Variants in GLYATL2 observed in about 807,000 individuals in gnomAD.
The protein encoded by GLYATL2 is glycine N-acyltransferase-like protein 2.
Under a neutral mutation model 21.4 loss-of-function variants are expected in GLYATL2, and 25 were observed. The observed-to-expected ratio is 1.17, with a 90% confidence interval of 0.85 to 1.63. GLYATL2 has a LOEUF of 1.63. GLYATL2 is among the 40% of genes most tolerant of loss of function. GLYATL2 has a pLI of 0.00. For synonymous variants in GLYATL2, 114 were observed against 118.2 expected (o/e 0.96, Z 0.23); for missense variants, 361 against 343.3 (o/e 1.05, Z -0.41).
the GLYATL2 span, among the ~76,000 whole-genome samples, chr11:58,909,237 G>A: frequency 6.6e-6 from 1 of 152,132 alleles, no homozygotes; most frequent in Non-Finnish European, 1.5e-5. Context: ...TCAGGGGCTG[G>A]GAAGAGAGGA....
At position 58,837,143 on chromosome 11, in the gene GLYATL2, C is replaced by T. The variant is rs1380711507; in HGVS notation, c.348G>A (p.Lys116=). ...CQEGLDEAIR[K]VATSKSVQVD... is the part of the protein sequence containing the mutation. ...CCTGCACTGATTTTGAAGTTGCAAC[C>T]TTTCTTATTGCTTCATCCAAGCCCT... is the stretch of plus-strand genomic sequence containing the variant. The change falls in exon 5 of 6, where the codon AAG becomes AAA. Residue 116 remains lysine, a synonymous_variant. Transcript: ENST00000287275. 34 of 1,613,766 alleles carry T rather than the reference C, an allele frequency of 2.1e-5. No individual in the cohort carries two copies. Among genetic ancestry groups the T allele is most frequent in the South Asian group, 4.4e-5 (4 of 91,034 alleles).
chr11:58,858,397 T>C (rs1281365360), intron 1 of GLYATL2, among the ~76,000 whole-genome samples: 1 of 152,234 alleles, frequency 6.6e-6, no homozygotes, highest in Non-Finnish European at 1.5e-5. Context: ...TCTGTAACTT[T>C]AAATTTAGAT....
chr11:58,908,006 T>C (rs1039953649), upstream of GLYATL2: 6 of 153,246 alleles, frequency 3.9e-5, no homozygotes, highest in African/African-American at 1.4e-4. Flanking sequence ...CCGATAGTTC[T>C]TTTCCTGTTC....
intron 2 of GLYATL2, among the ~76,000 whole-genome samples, chr11:58,839,018 A>C (rs529663639): frequency 1.3e-5 from 2 of 152,344 alleles, no homozygotes; most frequent in African/African-American, 4.8e-5. Flanking sequence ...GATTAAGAGT[A>C]TGGCAGATGA....
intron 1 of GLYATL2, among the ~76,000 whole-genome samples, chr11:58,902,663 G>A (rs974712848): frequency 6.6e-6 from 1 of 152,174 alleles, no homozygotes; most frequent in Admixed American, 6.5e-5. Context: ...CCATGTGAGG[G>A]CTTTTCTTCT....
At chr11:58,874,373 G>A (rs1417792383) in intron 1 of GLYATL2, among the ~76,000 whole-genome samples, 1 of 152,036 alleles carries the variant, frequency 6.6e-6, no homozygotes, top group African/African-American at 2.4e-5. Flanking sequence ...TCTTTTAATT[G>A]TGATGTTAGG....
intron 1 of GLYATL2, among the ~76,000 whole-genome samples, chr11:58,870,048 C>CAG (rs1854090554): frequency 6.6e-6 from 1 of 151,982 alleles, no homozygotes; most frequent in Non-Finnish European, 1.5e-5. Flanking sequence ...GTCAAGGCTG[C>CAG]AGTGAGTTAT....
upstream of GLYATL2, among the ~76,000 whole-genome samples, chr11:58,847,329 G>C (rs774460543): frequency 6.6e-6 from 1 of 152,184 alleles, no homozygotes; most frequent in Non-Finnish European, 1.5e-5. Flanking sequence ...GAGAAGTAAA[G>C]AGACTTTGTT....
chr11:58,903,500 C>G (rs995356345), intron 1 of GLYATL2, among the ~76,000 whole-genome samples: 1 of 151,974 alleles, frequency 6.6e-6, no homozygotes, highest in African/African-American at 2.4e-5. Flanking sequence ...TGGTGAAACT[C>G]CATCTCTATT....
rs1236360663 is a variant in GLYATL2, at chr11:58,834,860, A to T, written c.477-23T>A. 2.0e-6 allele frequency: 3 copies of T among 1,528,164 alleles called. No individual in the cohort carries two copies. In the East Asian group the frequency reaches 6.8e-5, roughly 35 times the overall value. The allele number at this position is 1,528,164 out of a possible 1,614,324, so 94.7% of individuals were successfully genotyped here. A position where few individuals can be genotyped will look rare whatever the true frequency, so the allele number is the denominator to read the frequency against. ...TCCCTGTGAAGAAAAAGAATTTTAC[A>T]TTTATTCAGCCAATATTACCAAACA... On this transcript the variant is annotated intron_variant, in intron 5 of 5. Coordinates refer to ENST00000287275, the MANE Select transcript of GLYATL2 (RefSeq NM_145016.4).
At chr11:58,906,676 A>T (rs1397147373), upstream of GLYATL2, among the ~76,000 whole-genome samples, 2 of 152,088 alleles carry the variant, frequency 1.3e-5, no homozygotes, top group Non-Finnish European at 2.9e-5. Flanking sequence ...ATTAGCAAAG[A>T]TTCATGTTAG....
At chr11:58,843,953 G>A (rs1565090342) in intron 1 of GLYATL2, among the ~76,000 whole-genome samples, 1 of 152,146 alleles carries the variant, frequency 6.6e-6, no homozygotes, top group East Asian at 1.9e-4. Context: ...GTTGCCAAAT[G>A]TTTCAATGAA....
At chr11:58,907,237 G>T (rs1463014578), upstream of GLYATL2, 4 of 456,152 alleles carry the variant, frequency 8.8e-6, no homozygotes, top group African/African-American at 2.0e-5. Flanking sequence ...CTCTGCCTCT[G>T]CAGGTCACCC....
At chr11:58,869,510 A>G (rs1192474344) in intron 1 of GLYATL2, among the ~76,000 whole-genome samples, 1 of 152,200 alleles carries the variant, frequency 6.6e-6, no homozygotes, top group African/African-American at 2.4e-5. Context: ...AAGTTCAGCC[A>G]TGTGAACATG....
At chr11:58,876,139 A>G (rs1283593012) in intron 1 of GLYATL2, among the ~76,000 whole-genome samples, 1 of 152,168 alleles carries the variant, frequency 6.6e-6, no homozygotes, top group East Asian at 1.9e-4. Context: ...TTTCAGCTCC[A>G]TCAGGTCTTT....
At chr11:58,839,009 A>T (rs1275721703) in intron 2 of GLYATL2, among the ~76,000 whole-genome samples, 3 of 152,222 alleles carry the variant, frequency 2.0e-5, no homozygotes, top group Admixed American at 1.3e-4. Context: ...GAGTGAAATG[A>T]TTAAGAGTAT....
chr11:58,888,916 C>T (rs1854490171), intron 1 of GLYATL2, among the ~76,000 whole-genome samples: 1 of 151,888 alleles, frequency 6.6e-6, no homozygotes, highest in Non-Finnish European at 1.5e-5. Context: ...CCAACTACCC[C>T]AACTAACTAT....
At chr11:58,858,329 C>T (rs1853868605) in intron 1 of GLYATL2, among the ~76,000 whole-genome samples, 1 of 152,182 alleles carries the variant, frequency 6.6e-6, no homozygotes, top group African/African-American at 2.4e-5. Flanking sequence ...TTTATTCACT[C>T]CATTCCCAAT....
intron 1 of GLYATL2, among the ~76,000 whole-genome samples, chr11:58,900,901 C>T (rs369053394): frequency 2.5e-5 from 1 of 40,748 alleles, no homozygotes; most frequent in South Asian, 9.6e-4. Flanking sequence ...TACCATTGGC[C>T]TTAATCTTCA....
Sources: allele counts gnomAD v4.1 joint callset (sites outside exome capture counted in the v4.1 genomes callset), GRCh38; gene constraint gnomAD v4.1.1; transcripts MANE v1.5; gene names NCBI Gene and HGNC (gene_info 2026-07-23, HGNC 2026-07-21).